Variants in MAGI2 observed in about 807,000 individuals in gnomAD.
MAGI2 encodes membrane-associated guanylate kinase, WW and PDZ domain-containing protein 2.
A neutral mutation model predicts 133.3 loss-of-function variants in MAGI2; 35 were observed. That is an observed-to-expected ratio of 0.26 (90% CI 0.20 to 0.35). The LOEUF is 0.35. Ranked by LOEUF, MAGI2 falls within the 10% of genes least tolerant of loss-of-function variation. The pLI is 1.00. For synonymous variants in MAGI2, 729 were observed against 710.6 expected (o/e 1.03, Z -0.41); for missense variants, 1,636 against 1,863.4 (o/e 0.88, Z 2.25).
intron 2 of MAGI2, among the ~76,000 whole-genome samples, chr7:78,982,617 G>A (rs1169958161): frequency 6.6e-6 from 1 of 151,622 alleles, no homozygotes; most frequent in Non-Finnish European, 1.5e-5. Context: ...TCCTGACTTA[G>A]CCTCCAGAAG....
intron 1 of MAGI2, among the ~76,000 whole-genome samples, chr7:79,367,576 C>G (rs1376606395): frequency 6.6e-6 from 1 of 151,906 alleles, no homozygotes; most frequent in East Asian, 1.9e-4. Flanking sequence ...GTTTCCTTCT[C>G]TGTAAAATAG....
intron 2 of MAGI2, among the ~76,000 whole-genome samples, chr7:78,909,046 A>C (rs899290798): frequency 2.6e-5 from 4 of 151,654 alleles, no homozygotes; most frequent in African/African-American, 9.7e-5. Context: ...ATGGGAGAAC[A>C]TTTTTGCAAT....
Position 79,378,926 on chromosome 7 carries a change from G to GTATATA in MAGI2, c.301+74088_301+74093dup, listed in dbSNP as rs59388508. Among the ~76,000 whole-genome samples the GTATATA allele has an allele frequency of 3.6e-3, 335 of 94,140 alleles. 4 individuals carry two copies. Among genetic ancestry groups the GTATATA allele is most frequent in the African/African-American group, 4.0e-3 (109 of 27,556 alleles). 61.8% of individuals were successfully genotyped at this position (94,140 alleles called of 152,430 possible). A position where few individuals can be genotyped will look rare whatever the true frequency, so the allele number is the denominator to read the frequency against. On this transcript the variant is annotated intron_variant, in intron 1 of 21. Transcript: ENST00000354212. The stretch of plus-strand genomic sequence containing the variant: ...CTTTTATATATATATATGTGTGTGT[G>GTATATA]TATATATATATATATATATATATAT...
chr7:78,580,465 T>C (rs1466776874), intron 3 of MAGI2, among the ~76,000 whole-genome samples: 1 of 151,190 alleles, frequency 6.6e-6, no homozygotes, highest in Non-Finnish European at 1.5e-5. Context: ...TTGATGTGTA[T>C]TGTACAATGC....
chr7:79,400,474 C>T (rs1238380322), intron 1 of MAGI2, among the ~76,000 whole-genome samples: 1 of 152,056 alleles, frequency 6.6e-6, no homozygotes, highest in Non-Finnish European at 1.5e-5. Flanking sequence ...ATTTACAGCT[C>T]ACAGTTAACA....
rs558006743 is a variant in MAGI2, at chr7:79,039,133, C to A, written c.302-31927G>T. The stretch of plus-strand genomic sequence containing the variant: ...TGGGGCTGGTTCCCCCTGCTCCCCC[C>A]ATGCTGTTCTCGTGATAGTGAGTGA... On this transcript the variant is annotated intron_variant, in intron 1 of 21. Transcript: ENST00000354212. Among the ~76,000 whole-genome samples the A allele has an allele frequency of 3.3e-5, 5 of 152,218 alleles. No individual in the cohort carries two copies. In the South Asian group the frequency reaches 1.0e-3, roughly 32 times the overall value.
At chr7:78,806,074 C>T (rs1269448147) in intron 2 of MAGI2, among the ~76,000 whole-genome samples, 1 of 152,152 alleles carries the variant, frequency 6.6e-6, no homozygotes, top group Admixed American at 6.5e-5. Context: ...TAGGAACACA[C>T]AAGTAACTGA....
intron 1 of MAGI2, among the ~76,000 whole-genome samples, chr7:79,278,528 T>C (rs1035382467): frequency 1.3e-5 from 2 of 152,144 alleles, no homozygotes; most frequent in Admixed American, 6.5e-5. Flanking sequence ...TATCATAATA[T>C]TGTGATATTG....
chr7:78,343,224 T>C (rs1387511628), intron 9 of MAGI2, among the ~76,000 whole-genome samples: 1 of 152,190 alleles, frequency 6.6e-6, no homozygotes, highest in Non-Finnish European at 1.5e-5. Flanking sequence ...AGAAATAAAT[T>C]TCAGTTGTAA....
At chr7:78,614,946 A>G (rs1433432855) in intron 3 of MAGI2, 1 of 152,168 alleles carries the variant, frequency 6.6e-6, no homozygotes, top group Non-Finnish European at 1.5e-5. Context: ...CATTATTAGG[A>G]GAATCAATAG....
intron 9 of MAGI2, among the ~76,000 whole-genome samples, chr7:78,337,074 C>T (rs1461467233): frequency 1.3e-5 from 2 of 152,144 alleles, no homozygotes; most frequent in Non-Finnish European, 2.9e-5. Flanking sequence ...AGCTTTTTAA[C>T]TGAAGGATGT....
At chr7:78,831,682 C>T (rs555889588) in intron 2 of MAGI2, among the ~76,000 whole-genome samples, 2 of 152,286 alleles carry the variant, frequency 1.3e-5, no homozygotes, top group African/African-American at 4.8e-5. Context: ...CTTCTCCCAG[C>T]CTCCATTGTT....
chr7:79,260,946 G>A (rs547464239), intron 1 of MAGI2, among the ~76,000 whole-genome samples: 2 of 152,248 alleles, frequency 1.3e-5, no homozygotes, highest in Admixed American at 6.5e-5. Flanking sequence ...CCTTACTAGA[G>A]GTCCAAACAT....
Position 78,193,002 on chromosome 7 carries a change from T to C in MAGI2, c.2269+1872A>G, listed in dbSNP as rs984895987. Among the ~76,000 whole-genome samples the C allele has an allele frequency of 6.6e-5, 10 of 152,048 alleles. No individual in the cohort carries two copies. The East Asian group carries it at 1.2e-3, about 18-fold the overall frequency. ...AAAAAGAAAGCTCTGGAGGTTAAGGTGGACTGGTTTGCTTGGTTTGTTACA... is the reference window on the plus strand; with the variant it reads ...AAAAAGAAAGCTCTGGAGGTTAAGGCGGACTGGTTTGCTTGGTTTGTTACA... On this transcript the variant is annotated intron_variant, in intron 12 of 21. Coordinates refer to ENST00000354212, the MANE Select transcript of MAGI2 (RefSeq NM_012301.4).
At chr7:78,848,536 G>T (rs532715307) in intron 2 of MAGI2, among the ~76,000 whole-genome samples, 1 of 152,034 alleles carries the variant, frequency 6.6e-6, no homozygotes, top group Non-Finnish European at 1.5e-5. Context: ...ACTCAACCCT[G>T]CACTTAGAAT....
intron 21 of MAGI2, among the ~76,000 whole-genome samples, chr7:78,043,605 T>A (rs969095345): frequency 6.6e-6 from 1 of 152,208 alleles, no homozygotes; most frequent in Admixed American, 6.5e-5. Context: ...GCCTTCTTCT[T>A]TTTTAGCCTT....
At chr7:79,003,401 C>T (rs557381559) in intron 2 of MAGI2, among the ~76,000 whole-genome samples, 2 of 152,264 alleles carry the variant, frequency 1.3e-5, no homozygotes, top group South Asian at 4.2e-4. Flanking sequence ...TAAGTCACTA[C>T]AATTTTGTTT....
intron 4 of MAGI2, among the ~76,000 whole-genome samples, chr7:78,517,619 ATTT>A (rs1388182895): frequency 6.6e-6 from 1 of 152,142 alleles, no homozygotes; most frequent in East Asian, 1.9e-4. Context: ...GGCCATTATT[ATTT>A]ATTTTCATGT....
intron 1 of MAGI2, among the ~76,000 whole-genome samples, chr7:79,180,281 T>A (rs751472890): frequency 2.0e-4 from 31 of 152,074 alleles, no homozygotes; most frequent in Middle Eastern, 3.4e-3. Context: ...AGAGTATTAG[T>A]CTGTTTTCAT....
Sources: gnomAD v4.1 joint callset for allele counts (sites outside exome capture counted in the v4.1 genomes callset) on GRCh38, gnomAD v4.1.1 for gene constraint, MANE v1.5 for transcripts, NCBI Gene and HGNC (gene_info 2026-07-23, HGNC 2026-07-21) for gene names.